The following DENND4C variants were observed in gnomAD, a reference collection of about 807,000 sequenced individuals.
The protein encoded by DENND4C is DENN domain-containing protein 4C.
A neutral mutation model predicts 203.0 loss-of-function variants in DENND4C; 108 were observed. The observed-to-expected ratio is 0.53, with a 90% CI of 0.46 to 0.62. DENND4C has a LOEUF of 0.62. Ranked by LOEUF, DENND4C falls within the 20% of genes least tolerant of loss-of-function variation. The pLI, the probability that DENND4C is intolerant of heterozygous loss-of-function variation, is 0.00. For synonymous variants in DENND4C, 871 were observed against 792.4 expected, an observed-to-expected ratio of 1.10 and a Z score of -1.67; for missense variants, 2,481 against 2,301.2, an observed-to-expected ratio of 1.08 and a Z score of -1.60.
At chr9:19,371,984 G>A (rs1000693738) in intron 32 of DENND4C, 53 bp from the exon 33 acceptor site, 16 of 1,559,372 alleles carry the variant, frequency 1.0e-5, no homozygotes, top group South Asian at 5.9e-5. Context: ...TGAAATGAAC[G>A]GCTGTTGTCT....
chr9:19,277,642 C>CTTTG (rs1428781540), intron 2 of DENND4C, among the ~76,000 whole-genome samples: 1 of 149,200 alleles, frequency 6.7e-6, no homozygotes, highest in Non-Finnish European at 1.5e-5. Flanking sequence ...AGTTTGGATG[C>CTTTG]TTTGTGTGTG....
chr9:19,359,143 T>C (rs1405187383), intron 28 of DENND4C, among the ~76,000 whole-genome samples: 1 of 151,838 alleles, frequency 6.6e-6, no homozygotes, highest in Non-Finnish European at 1.5e-5. Context: ...ATTTAGAGTT[T>C]TCAAAATAGC....
At chr9:19,278,736 A>G (rs573730248) in intron 2 of DENND4C, among the ~76,000 whole-genome samples, 1 of 152,254 alleles carries the variant, frequency 6.6e-6, no homozygotes, top group East Asian at 1.9e-4. Flanking sequence ...TAGCTACTGT[A>G]GTTTTCCTTC....
chr9:19,282,930 G>T (rs1055591119), intron 2 of DENND4C, among the ~76,000 whole-genome samples: 4 of 151,784 alleles, frequency 2.6e-5, no homozygotes, highest in Non-Finnish European at 4.4e-5. Flanking sequence ...TATTGGCCAG[G>T]CTGGTTTTGA....
Position 19,357,781 on chromosome 9 carries a change from C to T in DENND4C, c.4965-184C>T, listed in dbSNP as rs534218110. 1.6e-4 allele frequency: 80 copies of T among 516,002 alleles called. No individual in the cohort carries two copies. In the East Asian group the frequency reaches 2.3e-3, roughly 15 times the overall value. The allele number at this position is 516,002 out of a possible 1,614,324, so 32.0% of individuals were successfully genotyped here. Reference sequence around the variant, plus strand: ...CACCCCTCACCAGAACCATCTACTCCATCCTGTTTTTCTGACCAGTTTTAC... The same window carrying T: ...CACCCCTCACCAGAACCATCTACTCTATCCTGTTTTTCTGACCAGTTTTAC... On this transcript the variant is annotated intron_variant, in intron 27 of 32. Coordinates refer to ENST00000434457, the MANE Select transcript of DENND4C (RefSeq NM_001330640.2).
At chr9:19,305,629 T>C in intron 10 of DENND4C, 102 bp downstream of exon 10, 1 of 1,213,110 alleles carries the variant, frequency 8.2e-7, no homozygotes, top group Non-Finnish European at 1.1e-6. Context: ...TGGTAGTTGT[T>C]AAATCTTCGT....
intron 12 of DENND4C, among the ~76,000 whole-genome samples, chr9:19,321,831 C>CAA (rs35648828): frequency 3.2e-3 from 280 of 86,854 alleles, no homozygotes; most frequent in African/African-American, 0.01. Context: ...GACTCCATCT[C>CAA]AAAAAAAAAA....
chr9:19,336,279 G>A lies in DENND4C; in HGVS notation c.2599G>A (p.Glu867Lys). Residue 867 changes from glutamate (E) to lysine (K), a missense_variant, in exon 19 of 33, where the codon GAG (glutamate) becomes AAG (lysine). Physicochemically the swap from Glu to Lys is moderately conservative, Grantham distance 56. Transcript: ENST00000434457. The stretch of plus-strand genomic sequence containing the variant: ...CTTATTTTACCTTTAGGTAGTCTTG[G>A]AGAGCCCGTGGCCTAGCAGTACCCG... ...TYGYYNKVVL[E>K]SPWPSSTRSG... 6.2e-7 allele frequency: 1 copy of A among 1,611,478 alleles called. No individual in the cohort carries two copies. The highest frequency in any genetic ancestry group is 8.5e-7 in the Non-Finnish European group (1 of 1,179,294).
Position 19,346,009 on chromosome 9 carries a change from TAGA to T in DENND4C, c.3241_3243del (p.Arg1081del), listed in dbSNP as rs1563825822. On this transcript the variant is annotated inframe_deletion, in exon 23 of 33. Coordinates refer to ENST00000434457, the MANE Select transcript of DENND4C (RefSeq NM_001330640.2). ...CTACTAATCTCAAGAAGAATGGTGA[TAGA>T]GGAGAAAAAAGACAAAAGCATTTTC... 2 of 1,614,058 alleles carry T rather than the reference TAGA, an allele frequency of 1.2e-6. No homozygotes were observed.
Position 19,324,349 on chromosome 9 carries a change from T to G in DENND4C, c.1808-13T>G. 1 of 1,572,730 alleles carries G rather than the reference T, an allele frequency of 6.4e-7. No homozygotes were observed. The highest frequency in any genetic ancestry group is 8.6e-7 in the Non-Finnish European group (1 of 1,163,118). ...TTTAAAATTTGAATTTAATTATATT[T>G]TGTTTTCCTCAGGATTTTTAAAAAG... is the stretch of plus-strand genomic sequence containing the variant. On this transcript the variant is annotated splice_polypyrimidine_tract_variant and intron_variant, in intron 12 of 32. Transcript: ENST00000434457.
At chr9:19,370,311 G>A (rs768852209) in intron 31 of DENND4C, among the ~76,000 whole-genome samples, 1 of 152,066 alleles carries the variant, frequency 6.6e-6, no homozygotes. Flanking sequence ...AAAATAATTT[G>A]TCAGGGGTGG....
chr9:19,313,955 G>T (rs7022419), intron 10 of DENND4C, among the ~76,000 whole-genome samples: 5,217 of 152,254 alleles, frequency 0.034, 305 homozygotes, highest in African/African-American at 0.12. Flanking sequence ...GGTGGCATGT[G>T]CCTCTAATGC....
rs529274669 is a variant in DENND4C, at chr9:19,292,325, C to G, written c.801+1449C>G. 4 of 152,010 alleles carry G rather than the reference C, an allele frequency of 2.6e-5. No homozygotes were observed. In the Middle Eastern group the frequency reaches 0.01, roughly 388 times the overall value. 9.4% of individuals were successfully genotyped at this position (152,010 alleles called of 1,614,324 possible). On this transcript the variant is annotated intron_variant, in intron 5 of 32. Transcript: ENST00000434457. ...ATTATACAGGTATGAGGCACCATGC[C>G]TGGCCTATCCCGCCTCTTATTATAT...
chr9:19,280,787 C>T (rs1833894662), intron 2 of DENND4C, among the ~76,000 whole-genome samples: 1 of 151,884 alleles, frequency 6.6e-6, no homozygotes, highest in African/African-American at 2.4e-5. Flanking sequence ...GTTGCTCAGG[C>T]TGCAGTGCAA....
chr9:19,366,954 A>C (rs2132300053), intron 30 of DENND4C, among the ~76,000 whole-genome samples: 1 of 152,350 alleles, frequency 6.6e-6, no homozygotes, highest in Non-Finnish European at 1.5e-5. Context: ...ATCATATCTT[A>C]AAAAGGATTT....
chr9:19,244,329 C>T (rs777645199), intron 1 of DENND4C, among the ~76,000 whole-genome samples: 3 of 151,762 alleles, frequency 2.0e-5, no homozygotes, highest in Non-Finnish European at 4.4e-5. Flanking sequence ...TCTCGCCTGG[C>T]CTGCTTGTTT....
rs146411792 is a variant in DENND4C at position 19,322,520 on chromosome 9, C to T, written c.1808-1842C>T. Among the ~76,000 whole-genome samples, 468 of 151,596 alleles carry T rather than the reference C, an allele frequency of 3.1e-3. 3 individuals are homozygous for T. The highest frequency in any genetic ancestry group is 0.01 in the African/African-American group (416 of 41,330). Reference sequence around the variant, plus strand: ...CTCAGGCCTGTAATCCCCGCACTTTCGGAGGCCGAGGTGGGCGGATCACGA... The same window carrying T: ...CTCAGGCCTGTAATCCCCGCACTTTTGGAGGCCGAGGTGGGCGGATCACGA... On this transcript the variant is annotated intron_variant, in intron 12 of 32. Coordinates refer to ENST00000434457, the MANE Select transcript of DENND4C (RefSeq NM_001330640.2).
At chr9:19,349,808 G>A (rs1274379805) in intron 23 of DENND4C, among the ~76,000 whole-genome samples, 1 of 151,974 alleles carries the variant, frequency 6.6e-6, no homozygotes, top group Non-Finnish European at 1.5e-5. Flanking sequence ...ATAATTAGAA[G>A]AAAATTTAAT....
intron 1 of DENND4C, among the ~76,000 whole-genome samples, chr9:19,267,261 ATGTTT>A (rs1231277413): frequency 7.2e-5 from 11 of 152,148 alleles, no homozygotes; most frequent in African/African-American, 2.7e-4. Context: ...AGCTCTAATA[ATGTTT>A]ACTTTATATA....
Sources: allele counts gnomAD v4.1 joint callset (sites outside exome capture counted in the v4.1 genomes callset), GRCh38; gene constraint gnomAD v4.1.1; transcripts MANE v1.5; gene names NCBI Gene and HGNC (gene_info 2026-07-23, HGNC 2026-07-21).